The following RNF125 variants were observed in gnomAD, a reference collection of about 807,000 sequenced individuals.
RNF125 encodes ring finger protein 125, also known as E3 ubiquitin-protein ligase RNF125.
In RNF125, 21 loss-of-function variants were observed where a neutral mutation model predicts 26.0. The observed-to-expected ratio is 0.81, with a 90% CI of 0.57 to 1.16. The LOEUF (loss-of-function observed/expected upper bound fraction) is 1.16, where lower values mean the gene tolerates loss of function less well. Among genes scored for constraint, RNF125 ranks in the 50% most tolerant of loss-of-function variants. The pLI is 0.00. For missense variants in RNF125, 270 were observed against 299.4 expected (o/e 0.90, Z 0.72); for synonymous variants, 95 against 109.2 (o/e 0.87, Z 0.81).
chr18:32,074,975 A>T (rs1188930763), downstream of RNF125, among the ~76,000 whole-genome samples: 1 of 152,242 alleles, frequency 6.6e-6, no homozygotes, highest in East Asian at 1.9e-4. Context: ...TATTAACAAA[A>T]ATGCCAAATA....
Position 32,057,950 on chromosome 18 carries a change from G to A in RNF125, c.505-7952G>A, listed in dbSNP as rs569606785. 9.9e-5 allele frequency among the ~76,000 whole-genome samples: 15 copies of A among 152,016 alleles called. No individual in the cohort carries two copies. In the South Asian group the frequency reaches 2.1e-3, roughly 21 times the overall value. ...AATGCTGCTGGTCTGAGGACCCCAC[G>A]CTGAGAACCATTGCTTCCTTTAAAG... On this transcript the variant is annotated intron_variant, in intron 4 of 5. Transcript: ENST00000217740.
intron 2 of RNF125, among the ~76,000 whole-genome samples, chr18:32,041,347 T>C (rs1295056318): frequency 6.6e-6 from 1 of 152,214 alleles, no homozygotes; most frequent in East Asian, 1.9e-4. Flanking sequence ...GGGTGTGTTA[T>C]AAAACCATGG....
At chr18:32,038,637 C>A (rs1045574514) in intron 2 of RNF125, among the ~76,000 whole-genome samples, 1 of 152,204 alleles carries the variant, frequency 6.6e-6, no homozygotes, top group Non-Finnish European at 1.5e-5. Context: ...AACTTGGGTA[C>A]TATATCAGCT....
chr18:32,085,431 G>A, the RNF125 span, among the ~76,000 whole-genome samples: 3 of 149,398 alleles, frequency 2.0e-5, no homozygotes, highest in African/African-American at 7.4e-5. Context: ...TGGGTGAGGG[G>A]GCTCACACCT....
intron 1 of RNF125, among the ~76,000 whole-genome samples, chr18:32,026,151 G>A (rs1165550609): frequency 4.9e-5 from 7 of 143,966 alleles, no homozygotes; most frequent in Non-Finnish European, 3.0e-5. Context: ...TGCAACCTCC[G>A]CCTCCTGGGT....
At chr18:32,030,261 T>G (rs1440626341) in intron 1 of RNF125, among the ~76,000 whole-genome samples, 1 of 152,080 alleles carries the variant, frequency 6.6e-6, no homozygotes, top group Non-Finnish European at 1.5e-5. Context: ...CAGGCTGATC[T>G]CGAACTCCAG....
the RNF125 span, among the ~76,000 whole-genome samples, chr18:32,080,060 G>T: frequency 6.6e-6 from 1 of 152,062 alleles, no homozygotes; most frequent in Non-Finnish European, 1.5e-5. Context: ...ATGGAGTCCC[G>T]CTCTGTCGCC....
the RNF125 span, among the ~76,000 whole-genome samples, chr18:32,089,903 C>T: frequency 2.6e-5 from 4 of 152,112 alleles, no homozygotes; most frequent in South Asian, 8.3e-4. Context: ...GAAAATACAC[C>T]TTACTTCCTA....
chr18:32,044,191 G>C (rs943333213), intron 3 of RNF125, among the ~76,000 whole-genome samples: 3 of 151,930 alleles, frequency 2.0e-5, no homozygotes, highest in Non-Finnish European at 2.9e-5. Flanking sequence ...GTTTTTAGTA[G>C]AGACAGGGTT....
chr18:32,085,373 CAGAGAGAGAGAGAGAG>C, the RNF125 span, among the ~76,000 whole-genome samples: 39 of 128,814 alleles, frequency 3.0e-4, no homozygotes, highest in South Asian at 1.4e-3. Context: ...CTGCCAGAAG[CAGAGAGAGAGAGAGAG>C]AGAGAGAGAG....
At chr18:32,083,199 G>A in the RNF125 span, among the ~76,000 whole-genome samples, 1 of 152,126 alleles carries the variant, frequency 6.6e-6, no homozygotes, top group African/African-American at 2.4e-5. Context: ...GTGGTTGATA[G>A]GAATTACATT....
chr18:32,059,170 A>G (rs1598824714), intron 4 of RNF125, among the ~76,000 whole-genome samples: 1 of 152,014 alleles, frequency 6.6e-6, no homozygotes, highest in East Asian at 1.9e-4. Context: ...TGATAGTTTG[A>G]TTTTCAGTTT....
downstream of RNF125, chr18:32,076,065 C>T (rs949481767): frequency 1.6e-5 from 11 of 698,066 alleles, no homozygotes; most frequent in Non-Finnish European, 2.6e-5. Context: ...TCACTCTACA[C>T]TTGTTTAGCC....
chr18:32,043,518 T>TTTA (rs1375370488), intron 3 of RNF125, among the ~76,000 whole-genome samples: 23 of 152,372 alleles, frequency 1.5e-4, no homozygotes, highest in African/African-American at 5.5e-4. Context: ...ATACCCTGAC[T>TTTA]TTATAAATTT....
chr18:32,077,030 C>G (rs531674636), downstream of RNF125, among the ~76,000 whole-genome samples: 2 of 152,112 alleles, frequency 1.3e-5, no homozygotes, highest in Non-Finnish European at 2.9e-5. Flanking sequence ...GTTATTTCCT[C>G]TCTCTAGAAT....
At chr18:32,050,899 T>TTTTTTG (rs2039320101) in intron 4 of RNF125, among the ~76,000 whole-genome samples, 1 of 96,018 alleles carries the variant, frequency 1.0e-5, no homozygotes, top group African/African-American at 4.7e-5. Context: ...TTTTTTTTTT[T>TTTTTTG]GAAGAGACGG....
At chr18:32,050,225 T>C (rs1272627898) in intron 4 of RNF125, among the ~76,000 whole-genome samples, 1 of 152,226 alleles carries the variant, frequency 6.6e-6, no homozygotes, top group African/African-American at 2.4e-5. Flanking sequence ...ATAAAATGTT[T>C]GTTAAAAACA....
At chr18:32,064,903 A>G (rs930071947) in intron 4 of RNF125, among the ~76,000 whole-genome samples, 1 of 152,188 alleles carries the variant, frequency 6.6e-6, no homozygotes, top group Non-Finnish European at 1.5e-5. Context: ...AAAGGTAAAC[A>G]CTATAGTTAT....
intron 3 of RNF125, among the ~76,000 whole-genome samples, chr18:32,044,140 G>A (rs180918919): frequency 2.6e-5 from 4 of 152,172 alleles, no homozygotes; most frequent in African/African-American, 7.2e-5. Context: ...CTGAGTAGCT[G>A]GGATTACAGG....
Sources: allele counts gnomAD v4.1 joint callset (sites outside exome capture counted in the v4.1 genomes callset), GRCh38; gene constraint gnomAD v4.1.1; transcripts MANE v1.5; gene names NCBI Gene and HGNC (gene_info 2026-07-23, HGNC 2026-07-21).